The following TRHDE variants were observed in gnomAD, a reference collection of about 807,000 sequenced individuals.
TRHDE encodes the protein thyrotropin-releasing hormone-degrading ectoenzyme.
Under a neutral mutation model 125.7 loss-of-function variants are expected in TRHDE, and 72 were observed. That is an observed-to-expected ratio of 0.57 (90% CI 0.47 to 0.70). The LOEUF (loss-of-function observed/expected upper bound fraction) is 0.70, where lower values mean the gene tolerates loss of function less well. TRHDE is among the 30% of genes least tolerant of loss of function. The pLI is 0.00. For synonymous variants in TRHDE, 509 were observed against 509.1 expected (o/e 1.00, Z 0.00); for missense variants, 1,110 against 1,327.1 (o/e 0.84, Z 2.54).
At position 72,670,159 on chromosome 12, in the gene TRHDE, A is replaced by G. The variant is rs1204199964; in HGVS notation, c.*6964A>G. 1 of 151,832 alleles carries G rather than the reference A, an allele frequency of 6.6e-6. No individual in the cohort carries two copies. The highest frequency in any genetic ancestry group is 1.5e-5 in the Non-Finnish European group (1 of 67,834). The allele number at this position is 151,832 out of a possible 1,614,324, so 9.4% of individuals were successfully genotyped here. A position where few individuals can be genotyped will look rare whatever the true frequency, so the allele number is the denominator to read the frequency against. Reference sequence around the variant, plus strand: ...TATTTAAAATATGTCATATAAAAGCACTTTTCCTTTCTAACATTTTATGAT... The same window carrying G: ...TATTTAAAATATGTCATATAAAAGCGCTTTTCCTTTCTAACATTTTATGAT... On this transcript the variant is annotated 3_prime_UTR_variant, in exon 19 of 19. Coordinates refer to ENST00000261180, the MANE Select transcript of TRHDE (RefSeq NM_013381.3).
chr12:72,627,135 TG>T (rs1213662654), intron 15 of TRHDE, among the ~76,000 whole-genome samples: 4 of 151,878 alleles, frequency 2.6e-5, no homozygotes, highest in Admixed American at 2.0e-4. Flanking sequence ...GCTTGTCCTT[TG>T]TCATTAAACG....
At chr12:72,380,702 C>CCTTCCTTCCTTCCTTCCTTCCTTG (rs1872105000) in intron 3 of TRHDE, among the ~76,000 whole-genome samples, 4 of 131,962 alleles carry the variant, frequency 3.0e-5, no homozygotes, top group South Asian at 4.8e-4. Flanking sequence ...GCTGCAGCTT[C>CCTTCCTTCCTTCCTTCCTTCCTTG]CTTCCTTCCT....
intron 5 of TRHDE, among the ~76,000 whole-genome samples, chr12:72,495,060 GTTTTTTTTTTTT>G (rs751243542): frequency 1.7e-5 from 1 of 58,390 alleles, no homozygotes; most frequent in Non-Finnish European, 2.9e-5. Context: ...TTCCTCCCCC[GTTTTTTTTTTTT>G]TTTTTTTTTT....
At chr12:72,088,842 C>T (rs1441552630) in intron 1 of TRHDE, among the ~76,000 whole-genome samples, 1 of 151,812 alleles carries the variant, frequency 6.6e-6, no homozygotes, top group Non-Finnish European at 1.5e-5. Context: ...CTTCTTCTAC[C>T]TTCTCTTATC....
At chr12:72,535,317 T>C (rs1203155534) in intron 6 of TRHDE, among the ~76,000 whole-genome samples, 1 of 152,128 alleles carries the variant, frequency 6.6e-6, no homozygotes, top group Non-Finnish European at 1.5e-5. Flanking sequence ...ATTATGCTTC[T>C]AAAATAATTA....
At chr12:72,525,634 T>TGTGTGTGA (rs1431758592) in intron 6 of TRHDE, among the ~76,000 whole-genome samples, 38 of 98,938 alleles carry the variant, frequency 3.8e-4, no homozygotes, top group African/African-American at 1.0e-3. Flanking sequence ...TGTGTGTGTG[T>TGTGTGTGA]GAGAGAGAGA....
chr12:72,551,819 T>A (rs1222192944), intron 7 of TRHDE, among the ~76,000 whole-genome samples: 3 of 152,122 alleles, frequency 2.0e-5, no homozygotes. Flanking sequence ...AATAGGATGC[T>A]GTGAGAAAGC....
At chr12:72,309,038 C>T (rs1183488415) in intron 2 of TRHDE, among the ~76,000 whole-genome samples, 1 of 151,994 alleles carries the variant, frequency 6.6e-6, no homozygotes, top group Non-Finnish European at 1.5e-5. Context: ...GGATGGCACC[C>T]TTTTAAAATG....
chr12:72,297,983 A>G (rs1305594145), intron 2 of TRHDE, among the ~76,000 whole-genome samples: 1 of 152,168 alleles, frequency 6.6e-6, no homozygotes, highest in Non-Finnish European at 1.5e-5. Flanking sequence ...TATTGATATA[A>G]TGGAGTAAGC....
chr12:72,330,218 C>T (rs1869523877), intron 2 of TRHDE, among the ~76,000 whole-genome samples: 1 of 151,852 alleles, frequency 6.6e-6, no homozygotes, highest in South Asian at 2.1e-4. Flanking sequence ...TTGAGCAATA[C>T]ACAGTTTTTA....
intron 2 of TRHDE, among the ~76,000 whole-genome samples, chr12:72,118,977 T>A (rs1331591187): frequency 6.6e-6 from 1 of 152,112 alleles, no homozygotes; most frequent in African/African-American, 2.4e-5. Context: ...TTTGTTTATC[T>A]TTTAAAAAAA....
intron 2 of TRHDE, among the ~76,000 whole-genome samples, chr12:72,319,951 T>C (rs1189973711): frequency 2.0e-5 from 3 of 151,940 alleles, no homozygotes; most frequent in Non-Finnish European, 4.4e-5. Flanking sequence ...ATATGGTACC[T>C]ACTAAAGCAT....
chr12:72,653,291 C>T, intron 17 of TRHDE, 135 bp downstream of exon 17: 4 of 574,680 alleles, frequency 7.0e-6, no homozygotes, highest in Non-Finnish European at 1.1e-5. Context: ...ATAAATGTTG[C>T]CACTCCCGTG....
chr12:72,547,764 G>A lies in TRHDE; in HGVS notation c.1788+5408G>A, dbSNP rs188379497. On this transcript the variant is annotated intron_variant, in intron 7 of 18. Coordinates refer to ENST00000261180, the MANE Select transcript of TRHDE (RefSeq NM_013381.3). Reference sequence around the variant, plus strand: ...CCTAGCAATAATTCCAAAGAGTAATGATGACTAAGAAAACATCTGCATAAT... The same window carrying A: ...CCTAGCAATAATTCCAAAGAGTAATAATGACTAAGAAAACATCTGCATAAT... Among the ~76,000 whole-genome samples, 470 of 151,896 alleles carry A rather than the reference G, an allele frequency of 3.1e-3. 3 individuals are homozygous for A. Among genetic ancestry groups the A allele is most frequent in the Middle Eastern group, 0.017 (5 of 294 alleles).
intron 7 of TRHDE, among the ~76,000 whole-genome samples, chr12:72,550,055 T>C (rs1319264400): frequency 6.6e-6 from 1 of 151,904 alleles, no homozygotes; most frequent in East Asian, 1.9e-4. Flanking sequence ...CTTTTATCTA[T>C]TAGTTAAGGG....
chr12:72,374,552 G>A (rs1051661092), intron 2 of TRHDE, among the ~76,000 whole-genome samples: 1 of 152,102 alleles, frequency 6.6e-6, no homozygotes, highest in Non-Finnish European at 1.5e-5. Context: ...TGAAACCTGG[G>A]AACCCTCCAA....
At chr12:72,262,491 A>G (rs1395588758) in intron 2 of TRHDE, 1 of 152,182 alleles carries the variant, frequency 6.6e-6, no homozygotes, top group Non-Finnish European at 1.5e-5. Context: ...CTTGGTAACC[A>G]CTGAAAATGA....
At chr12:72,622,036 A>G (rs915800363) in intron 15 of TRHDE, among the ~76,000 whole-genome samples, 1 of 152,130 alleles carries the variant, frequency 6.6e-6, no homozygotes, top group Non-Finnish European at 1.5e-5. Flanking sequence ...AAGCTCTGCT[A>G]TCTCATAAGA....
intron 5 of TRHDE, 26 bp from the exon 6 acceptor site, chr12:72,499,472 A>G: frequency 6.2e-7 from 1 of 1,611,716 alleles, no homozygotes; most frequent in African/African-American, 1.3e-5. Context: ...ATCACCTATG[A>G]TATTGCCCCG....
Sources: allele counts gnomAD v4.1 joint callset (sites outside exome capture counted in the v4.1 genomes callset), GRCh38; gene constraint gnomAD v4.1.1; transcripts MANE v1.5; gene names NCBI Gene and HGNC (gene_info 2026-07-23, HGNC 2026-07-21).